The following TMEM163 variants were observed in gnomAD, a reference collection of about 807,000 sequenced individuals.
TMEM163 encodes transmembrane protein 163.
A neutral mutation model predicts 29.3 loss-of-function variants in TMEM163; 17 were observed. The observed-to-expected ratio is 0.58, with a 90% CI of 0.40 to 0.87. The LOEUF is 0.87. TMEM163 is among the 40% of genes least tolerant of loss of function. The pLI, the probability that TMEM163 is intolerant of heterozygous loss-of-function variation, is 0.00. For synonymous variants in TMEM163, 157 were observed against 160.6 expected (o/e 0.98, Z 0.17); for missense variants, 303 against 381.5 (o/e 0.79, Z 1.71).
intron 2 of TMEM163, among the ~76,000 whole-genome samples, chr2:134,692,165 G>C (rs1276956599): frequency 6.6e-6 from 1 of 152,060 alleles, no homozygotes; most frequent in African/African-American, 2.4e-5. Flanking sequence ...ACCAAGAACA[G>C]AAGAAACAAA....
chr2:134,710,536 C>A (rs1306770565), intron 2 of TMEM163, among the ~76,000 whole-genome samples: 1 of 151,988 alleles, frequency 6.6e-6, no homozygotes, highest in African/African-American at 2.4e-5. Flanking sequence ...CCAACTGCCC[C>A]CCAAAATTGT....
At chr2:134,657,065 G>C (rs897184896) in intron 2 of TMEM163, among the ~76,000 whole-genome samples, 2 of 148,370 alleles carry the variant, frequency 1.3e-5, no homozygotes, top group Non-Finnish European at 1.5e-5. Flanking sequence ...TTTTTTTGTT[G>C]TGTCTTTGCC....
chr2:134,570,866 A>G (rs999821932), intron 2 of TMEM163, among the ~76,000 whole-genome samples: 1 of 152,246 alleles, frequency 6.6e-6, no homozygotes, highest in African/African-American at 2.4e-5. Context: ...GAAGAGAGAA[A>G]GGAGAATGGA....
At chr2:134,651,264 T>G (rs1683472940) in intron 2 of TMEM163, among the ~76,000 whole-genome samples, 1 of 132,660 alleles carries the variant, frequency 7.5e-6, no homozygotes, top group African/African-American at 3.3e-5. Flanking sequence ...TATCTCATTG[T>G]GGTTTTGATT....
chr2:134,711,701 ATT>A (rs1035028214), intron 2 of TMEM163, among the ~76,000 whole-genome samples: 4 of 152,302 alleles, frequency 2.6e-5, no homozygotes, highest in Admixed American at 2.0e-4. Flanking sequence ...TTTCCTCATA[ATT>A]TTTGTCTATT....
In TMEM163 at chr2:134,493,362, C is replaced by CTTTTTTTTT. The variant is rs1159013721; in HGVS notation, c.555+9530_555+9538dup. Among the ~76,000 whole-genome samples the CTTTTTTTTT allele has an allele frequency of 1.9e-3, 97 of 49,852 alleles. 23 individuals are homozygous for CTTTTTTTTT. Among genetic ancestry groups the CTTTTTTTTT allele is most frequent in the African/African-American group, 5.0e-3 (56 of 11,234 alleles). The allele number at this position is 49,852 out of a possible 152,430, so 32.7% of individuals were successfully genotyped here. ...GACTTATGGTTCAAGCTTTTGGTGTCTTTTTTTTTTTTTTTTTTTTTTTTT... is the reference window on the plus strand; with the variant it reads ...GACTTATGGTTCAAGCTTTTGGTGTCTTTTTTTTTTTTTTTTTTTTTTTTTTTTTTTTTT... On this transcript the variant is annotated intron_variant, in intron 5 of 7. Transcript: ENST00000281924.
intron 2 of TMEM163, among the ~76,000 whole-genome samples, chr2:134,673,877 GC>G (rs945059595): frequency 5.1e-4 from 77 of 152,306 alleles, no homozygotes; most frequent in African/African-American, 1.8e-3. Flanking sequence ...ATAACTTTGT[GC>G]GGTTTTAAGC....
intron 6 of TMEM163, among the ~76,000 whole-genome samples, chr2:134,465,684 A>T (rs1379844368): frequency 5.9e-5 from 9 of 152,258 alleles, no homozygotes; most frequent in Admixed American, 5.2e-4. Flanking sequence ...GGTAACTGCA[A>T]CCTGAACTCC....
chr2:134,622,820 T>C (rs1406405182), intron 2 of TMEM163, among the ~76,000 whole-genome samples: 1 of 151,958 alleles, frequency 6.6e-6, no homozygotes, highest in Admixed American at 6.6e-5. Context: ...TGGAGTGGAG[T>C]GACACGATCT....
chr2:134,618,224 T>C (rs1404934358), intron 2 of TMEM163, among the ~76,000 whole-genome samples: 5 of 152,082 alleles, frequency 3.3e-5, no homozygotes, highest in Admixed American at 3.3e-4. Context: ...GAAAAAGATT[T>C]ACCATGCAAG....
chr2:134,466,228 G>T lies in TMEM163; in HGVS notation c.556-3C>A. 1 of 1,611,274 alleles carries T rather than the reference G, an allele frequency of 6.2e-7. No homozygotes were observed. The highest frequency in any genetic ancestry group is 8.5e-7 in the Non-Finnish European group (1 of 1,178,462). ...GAGACACTGAACAGGAAATCGTCCT[G>T]CAAGAGAAAGTTCCAGATTTCAACA... On this transcript the variant is annotated splice_polypyrimidine_tract_variant and splice_region_variant and intron_variant, in intron 5 of 7. Transcript: ENST00000281924.
At chr2:134,641,682 A>T (rs752779543) in intron 2 of TMEM163, among the ~76,000 whole-genome samples, 5 of 152,190 alleles carry the variant, frequency 3.3e-5, no homozygotes, top group Non-Finnish European at 7.3e-5. Context: ...TCAGGAAAAG[A>T]CAAAGAAACA....
intron 2 of TMEM163, among the ~76,000 whole-genome samples, chr2:134,588,291 A>G (rs1009914373): frequency 6.6e-6 from 1 of 152,212 alleles, no homozygotes; most frequent in African/African-American, 2.4e-5. Context: ...GTCAGACAAT[A>G]AGAAAGGAGG....
intron 2 of TMEM163, among the ~76,000 whole-genome samples, chr2:134,579,639 G>A (rs1681645125): frequency 6.6e-6 from 1 of 152,094 alleles, no homozygotes; most frequent in South Asian, 2.1e-4. Context: ...TCTCCTAGGG[G>A]TAGGAAACTA....
intron 2 of TMEM163, among the ~76,000 whole-genome samples, chr2:134,578,788 G>A (rs1681621203): frequency 6.6e-6 from 1 of 152,136 alleles, no homozygotes; most frequent in African/African-American, 2.4e-5. Flanking sequence ...GAGAGGCAGT[G>A]TGTGTGCATG....
chr2:134,602,658 T>C (rs147104997), intron 2 of TMEM163, among the ~76,000 whole-genome samples: 1 of 152,140 alleles, frequency 6.6e-6, no homozygotes, highest in South Asian at 2.1e-4. Context: ...TTGAAACCAC[T>C]TTAAAAGGAG....
At chr2:134,699,278 C>A (rs1684645215) in intron 2 of TMEM163, among the ~76,000 whole-genome samples, 1 of 152,198 alleles carries the variant, frequency 6.6e-6, no homozygotes, top group East Asian at 1.9e-4. Context: ...CCAAGGCGGG[C>A]AGATCACTTG....
intron 4 of TMEM163, among the ~76,000 whole-genome samples, chr2:134,534,377 G>A (rs7590150): frequency 0.025 from 3,770 of 152,214 alleles, 151 homozygotes; most frequent in African/African-American, 0.085. Flanking sequence ...TTCCACAGAT[G>A]CAGATGTTGA....
chr2:134,616,683 T>A (rs1034957948), intron 2 of TMEM163, among the ~76,000 whole-genome samples: 22 of 152,190 alleles, frequency 1.4e-4, no homozygotes, highest in African/African-American at 4.8e-4. Context: ...ACTGGTAAAA[T>A]CTGTATGAGT....
Sources: allele counts gnomAD v4.1 joint callset (sites outside exome capture counted in the v4.1 genomes callset), GRCh38; gene constraint gnomAD v4.1.1; transcripts MANE v1.5; gene names NCBI Gene and HGNC (gene_info 2026-07-23, HGNC 2026-07-21).